Variants in PTPRD observed in about 807,000 individuals in gnomAD.
The protein encoded by PTPRD is receptor-type tyrosine-protein phosphatase delta.
PTPRD carries 34 observed loss-of-function variants against 214.5 expected under a neutral mutation model. The observed-to-expected ratio is 0.16, with a 90% CI of 0.12 to 0.21. The LOEUF is 0.21. Ranked by LOEUF, PTPRD falls within the 10% of genes least tolerant of loss-of-function variation. The pLI is 1.00. For synonymous variants in PTPRD, 1,128 were observed against 845.7 expected (o/e 1.33, Z -5.79); for missense variants, 2,545 against 2,398.7 (o/e 1.06, Z -1.27).
intron 8 of PTPRD, among the ~76,000 whole-genome samples, chr9:9,435,228 C>T (rs2084751875): frequency 6.6e-6 from 1 of 151,980 alleles, no homozygotes; most frequent in African/African-American, 2.4e-5. Flanking sequence ...CGCCAGGACC[C>T]GGCTGGTTGC....
rs373301551 is a variant in PTPRD at position 9,944,129 on chromosome 9, G to C, written c.-471-5519C>G. On this transcript the variant is annotated intron_variant, in intron 4 of 45. Coordinates refer to ENST00000381196, the MANE Select transcript of PTPRD (RefSeq NM_002839.4). Reference sequence around the variant, plus strand: ...ACAAGACAGAAAACCTTCCAGTGACGTTGGCTGAAGCCTTTGTTGAGATTG... The same window carrying C: ...ACAAGACAGAAAACCTTCCAGTGACCTTGGCTGAAGCCTTTGTTGAGATTG... Among the ~76,000 whole-genome samples, 21 of 152,262 alleles carry C rather than the reference G, an allele frequency of 1.4e-4. 1 individual carries two copies. In the South Asian group the frequency reaches 4.2e-3, roughly 30 times the overall value.
chr9:10,337,569 G>A (rs1478740647), intron 3 of PTPRD, among the ~76,000 whole-genome samples: 2 of 151,506 alleles, frequency 1.3e-5, no homozygotes, highest in Non-Finnish European at 3.0e-5. Flanking sequence ...ATTCACTCAT[G>A]CATTTTTTTC....
chr9:8,498,546 A>G (rs963489861), intron 25 of PTPRD, among the ~76,000 whole-genome samples: 42 of 152,188 alleles, frequency 2.8e-4, no homozygotes, highest in African/African-American at 1.0e-3. Context: ...AGAACGTAGA[A>G]CTGGGCAACC....
intron 2 of PTPRD, among the ~76,000 whole-genome samples, chr9:10,552,054 T>G (rs1470344834): frequency 6.6e-6 from 1 of 152,132 alleles, no homozygotes; most frequent in African/African-American, 2.4e-5. Flanking sequence ...TCCCACAAAT[T>G]TTCAAAGGAT....
chr9:10,369,225 C>A (rs2097567948), intron 2 of PTPRD, among the ~76,000 whole-genome samples: 1 of 152,042 alleles, frequency 6.6e-6, no homozygotes, highest in Non-Finnish European at 1.5e-5. Context: ...TAGACCTTGG[C>A]AAATACTTTC....
chr9:9,130,202 A>T (rs1385209274), intron 10 of PTPRD, among the ~76,000 whole-genome samples: 2 of 152,190 alleles, frequency 1.3e-5, no homozygotes, highest in Non-Finnish European at 1.5e-5. Context: ...GTTTGACAGG[A>T]GTAAGTCCAG....
At chr9:9,511,466 TAG>T (rs1258137563) in intron 8 of PTPRD, among the ~76,000 whole-genome samples, 2 of 151,698 alleles carry the variant, frequency 1.3e-5, no homozygotes, top group African/African-American at 4.8e-5. Context: ...TCTAGGCTGA[TAG>T]AAATTTATAA....
intron 7 of PTPRD, among the ~76,000 whole-genome samples, chr9:9,714,295 G>T (rs2097782501): frequency 6.6e-6 from 1 of 152,114 alleles, no homozygotes; most frequent in African/African-American, 2.4e-5. Context: ...TACAGCAACA[G>T]GAATGACTGC....
At chr9:9,400,807 C>T (rs912834592) in intron 8 of PTPRD, among the ~76,000 whole-genome samples, 5 of 152,084 alleles carry the variant, frequency 3.3e-5, no homozygotes, top group Non-Finnish European at 7.4e-5. Context: ...TATGCACCTA[C>T]AGAAAGTTTC....
At chr9:9,883,138 C>CTG (rs2069403138) in intron 5 of PTPRD, among the ~76,000 whole-genome samples, 48 of 152,158 alleles carry the variant, frequency 3.2e-4, no homozygotes, top group African/African-American at 1.1e-3. Context: ...TACAGCAACG[C>CTG]AAAATGAACA....
At position 10,103,395 on chromosome 9, in the gene PTPRD, T is replaced by TATATATATATGTA. The variant is rs34926923; in HGVS notation, c.-544-69606_-544-69605insTACATATATATAT. ...CTGCATATTATATATATATATATAT[T>TATATATATATGTA]TATTTAAGAGCATTGCAGTAAGAAA... On this transcript the variant is annotated intron_variant, in intron 3 of 45. Coordinates refer to ENST00000381196, the MANE Select transcript of PTPRD (RefSeq NM_002839.4). Among the ~76,000 whole-genome samples the TATATATATATGTA allele has an allele frequency of 4.0e-3, 463 of 116,702 alleles. 20 individuals carry two copies. The highest frequency in any genetic ancestry group is 0.013 in the African/African-American group (407 of 31,462). The allele number at this position is 116,702 out of a possible 152,430, so 76.6% of individuals were successfully genotyped here. A position where few individuals can be genotyped will look rare whatever the true frequency, so the allele number is the denominator to read the frequency against.
chr9:8,347,090 A>C (rs4740938), intron 39 of PTPRD, among the ~76,000 whole-genome samples: 11 of 151,912 alleles, frequency 7.2e-5, no homozygotes, highest in African/African-American at 2.2e-4. Flanking sequence ...CCCTGCGGAT[A>C]GAGGGGGACT....
chr9:9,073,221 T>C (rs981406347), intron 10 of PTPRD, among the ~76,000 whole-genome samples: 4 of 152,222 alleles, frequency 2.6e-5, no homozygotes, highest in African/African-American at 9.6e-5. Flanking sequence ...GTTCATTTTG[T>C]ACAAGCACTG....
rs527619443 is a variant in PTPRD at position 8,656,542 on chromosome 9, C to A, written c.65-19698G>T. Among the ~76,000 whole-genome samples the A allele has an allele frequency of 5.3e-5, 8 of 152,286 alleles. No homozygotes were observed. In the East Asian group the frequency reaches 1.5e-3, roughly 29 times the overall value. ...CCTTGCATAGGTACCACACGTCACA[C>A]TGGCATGGTCAAATACATTATACAA... On this transcript the variant is annotated intron_variant, in intron 12 of 45. Transcript: ENST00000381196.
At chr9:9,089,014 C>T (rs1162725333) in intron 10 of PTPRD, among the ~76,000 whole-genome samples, 1 of 152,142 alleles carries the variant, frequency 6.6e-6, no homozygotes, top group Non-Finnish European at 1.5e-5. Context: ...AAGGGTTTTT[C>T]ACTCAACATT....
intron 11 of PTPRD, among the ~76,000 whole-genome samples, chr9:9,002,429 CACT>C (rs1334135604): frequency 2.6e-5 from 4 of 151,890 alleles, no homozygotes; most frequent in Non-Finnish European, 5.9e-5. Flanking sequence ...ACGGATACAC[CACT>C]ATTAGTGAAA....
At chr9:8,503,020 G>A (rs1009495807) in intron 23 of PTPRD, among the ~76,000 whole-genome samples, 13 of 151,952 alleles carry the variant, frequency 8.6e-5, no homozygotes, top group African/African-American at 2.9e-4. Flanking sequence ...CAGACATACA[G>A]AGAACGCATT....
chr9:10,142,075 A>G (rs1267328110), intron 3 of PTPRD, among the ~76,000 whole-genome samples: 1 of 152,072 alleles, frequency 6.6e-6, no homozygotes, highest in African/African-American at 2.4e-5. Context: ...AGCCATATGT[A>G]GAAAGCTGAA....
intron 5 of PTPRD, among the ~76,000 whole-genome samples, chr9:9,909,102 T>C (rs1219055367): frequency 2.6e-5 from 4 of 151,960 alleles, no homozygotes; most frequent in African/African-American, 7.2e-5. Flanking sequence ...GCTCAGAATT[T>C]CCTTTTTATT....
Sources: gnomAD v4.1 joint callset for allele counts (sites outside exome capture counted in the v4.1 genomes callset) on GRCh38, gnomAD v4.1.1 for gene constraint, MANE v1.5 for transcripts, NCBI Gene and HGNC (gene_info 2026-07-23, HGNC 2026-07-21) for gene names.